The following LIPJ variants were observed in gnomAD, a reference collection of about 807,000 sequenced individuals.
LIPJ encodes the protein lipase family member J, also known as lipase member J.
LIPJ carries 33 observed loss-of-function variants against 39.8 expected under a neutral mutation model. That is an observed-to-expected ratio of 0.83 (90% CI 0.63 to 1.11). LIPJ has a LOEUF of 1.11. Ranked by LOEUF, LIPJ falls within the 50% of genes least tolerant of loss-of-function variation. The probability of loss-of-function intolerance (pLI) is 0.00; values close to 1 mark genes in which losing one functional copy is unlikely to be tolerated. For synonymous variants in LIPJ, 128 were observed against 139.2 expected (o/e 0.92, Z 0.57); for missense variants, 422 against 427.9 (o/e 0.99, Z 0.12).
At position 88,606,678 on chromosome 10, in the gene LIPJ, C is replaced by T. The variant is rs572429715; in HGVS notation, c.872C>T (p.Thr291Met). ...TTTTCACTCATTTATTTTCAGACAA[C>T]GTCTCCATTATACAACATGACAAAC... The change falls in exon 11 of 11, where the codon ACG becomes ATG. Residue 291 changes from threonine (T) to methionine (M), a missense_variant. Thr to Met is a moderately conservative substitution (Grantham distance 81). Transcript: ENST00000371939. 1.3e-5 allele frequency: 21 copies of T among 1,592,822 alleles called. No individual in the cohort carries two copies. Among genetic ancestry groups the T allele is most frequent in the South Asian group, 4.5e-5 (4 of 89,346 alleles).
chr10:88,591,466 C>A (rs267602611), exon 4 of LIPJ: 1 of 1,600,232 alleles, frequency 6.2e-7, no homozygotes, highest in African/African-American at 1.4e-5. Flanking sequence ...TATAGAATTC[C>A]TTATTGGAGG....
chr10:88,605,791 C>G (rs77367044), intron 10 of LIPJ, 87 bp downstream of exon 10: 12,711 of 800,264 alleles, frequency 0.016, 374 homozygotes, highest in South Asian at 0.079. Context: ...TAAATCCCCA[C>G]AGTACAATAA....
At chr10:88,589,805 T>C (rs561536965) in intron 2 of LIPJ, among the ~76,000 whole-genome samples, 1 of 151,856 alleles carries the variant, frequency 6.6e-6, no homozygotes, top group Non-Finnish European at 1.5e-5. Flanking sequence ...GATTTAAGTT[T>C]TATAACAATC....
At chr10:88,605,591 A>G (rs1232811191) in intron 9 of LIPJ, 42 bp from the exon 10 acceptor site, 3 of 1,376,828 alleles carry the variant, frequency 2.2e-6, no homozygotes, top group Non-Finnish European at 2.1e-6. Context: ...CTGCCACTGT[A>G]ATGAACAAAT....
At chr10:88,594,327 C>T (rs938134079) in intron 5 of LIPJ, 183 bp downstream of exon 5, 5 of 576,914 alleles carry the variant, frequency 8.7e-6, no homozygotes, top group African/African-American at 5.7e-5. Flanking sequence ...GAGTTTGATT[C>T]TTACGTTTCA....
At chr10:88,615,886 T>A in the LIPJ span, among the ~76,000 whole-genome samples, 1 of 151,972 alleles carries the variant, frequency 6.6e-6, no homozygotes, top group African/African-American at 2.4e-5. Context: ...ATTCACAATA[T>A]CCCAAAATGG....
At chr10:88,610,692 A>G (rs1851738058), downstream of LIPJ, among the ~76,000 whole-genome samples, 1 of 152,218 alleles carries the variant, frequency 6.6e-6, no homozygotes, top group South Asian at 2.1e-4. Flanking sequence ...AAAGATGTCT[A>G]CATCCATGGA....
chr10:88,613,126 G>T, the LIPJ span, among the ~76,000 whole-genome samples: 6 of 152,096 alleles, frequency 3.9e-5, no homozygotes, highest in Non-Finnish European at 5.9e-5. Context: ...GTGGTGGAGG[G>T]GCAGTGGGCA....
rs539547730 is a variant in LIPJ at position 88,596,880 on chromosome 10, A to G, written c.667A>G (p.Ile223Val). 5.0e-6 allele frequency: 8 copies of G among 1,593,576 alleles called. No homozygotes were observed. In the East Asian group the frequency reaches 1.8e-4, roughly 36 times the overall value. ...GTGTCCACTACAGATTTTTGATAAG[A>G]TTTGCCTCAATATCTTGTTTATGAT... Residue 223 changes from isoleucine (I) to valine (V), a missense_variant, in exon 8 of 11, where the codon ATT (isoleucine) becomes GTT (valine). Transcript: ENST00000371939.
chr10:88,618,763 T>C, the LIPJ span: 1 of 175,488 alleles, frequency 5.7e-6, no homozygotes, highest in Non-Finnish European at 1.3e-5. Context: ...CATCTGCCTA[T>C]AGTCCTTGTG....
intron 8 of LIPJ, among the ~76,000 whole-genome samples, chr10:88,601,084 G>A (rs1474036439): frequency 6.6e-6 from 1 of 151,998 alleles, no homozygotes; most frequent in Non-Finnish European, 1.5e-5. Flanking sequence ...AAGTAGCTCA[G>A]ACTACCGACA....
chr10:88,596,638 C>A lies in LIPJ; in HGVS notation c.577-152C>A, dbSNP rs183208015. ...AAGAAATTCAGTGGCCAAACCATCT[C>A]CACACCCTGCTTCCAAGTTTTTTCC... On this transcript the variant is annotated intron_variant, in intron 7 of 10. Transcript: ENST00000371939. The A allele has an allele frequency of 1.8e-4, 151 of 838,520 alleles. No individual in the cohort carries two copies. In the Middle Eastern group the frequency reaches 3.0e-3, roughly 17 times the overall value. 51.9% of individuals were successfully genotyped at this position (838,520 alleles called of 1,614,324 possible).
At chr10:88,590,267 A>G (rs919062944) in intron 2 of LIPJ, among the ~76,000 whole-genome samples, 2 of 151,808 alleles carry the variant, frequency 1.3e-5, no homozygotes, top group Non-Finnish European at 3.0e-5. Flanking sequence ...TCACACATCA[A>G]TTAATTTGTA....
downstream of LIPJ, among the ~76,000 whole-genome samples, chr10:88,610,185 T>G (rs545153540): frequency 6.6e-6 from 1 of 152,180 alleles, no homozygotes; most frequent in Non-Finnish European, 1.5e-5. Context: ...TGATTACTAA[T>G]GTACTAAAGT....
chr10:88,583,003 A>C (rs937949399), upstream of LIPJ: 38 of 1,533,090 alleles, frequency 2.5e-5, no homozygotes, highest in Non-Finnish European at 3.3e-5. Flanking sequence ...TCTTGGGTGC[A>C]GGCCCACACC....
chr10:88,596,421 G>A lies in LIPJ; in HGVS notation c.576+5G>A, dbSNP rs1176547154. On this transcript the variant is annotated splice_donor_5th_base_variant and intron_variant, in intron 7 of 10. Coordinates refer to ENST00000371939, the Ensembl canonical transcript of LIPJ. ...AAATGGAAGTCAATAGTCATGGTAT[G>A]TTCTACCTTTATTTTATGTCATTGA... The A allele has an allele frequency of 4.7e-6, 7 of 1,499,584 alleles. No homozygotes were observed. Among genetic ancestry groups the A allele is most frequent in the Non-Finnish European group, 5.3e-6 (6 of 1,125,714 alleles). The allele number at this position is 1,499,584 out of a possible 1,614,324, so 92.9% of individuals were successfully genotyped here.
At chr10:88,605,796 C>A in intron 10 of LIPJ, 92 bp downstream of exon 10, 1 of 743,450 alleles carries the variant, frequency 1.3e-6, no homozygotes, top group Non-Finnish European at 2.4e-6. Flanking sequence ...CCCCACAGTA[C>A]AATAACACAC....
Position 88,602,558 on chromosome 10 carries a change from T to C in LIPJ, c.724-18T>C. ...CAACTTATATAAAAATGCTTTTTTTTTTTTTTTTACCCCTCAGAGTCGTTT... is the reference window on the plus strand; with the variant it reads ...CAACTTATATAAAAATGCTTTTTTTCTTTTTTTTACCCCTCAGAGTCGTTT... On this transcript the variant is annotated intron_variant, in intron 8 of 10. Coordinates refer to ENST00000371939, the Ensembl canonical transcript of LIPJ. 6.8e-7 allele frequency: 1 copy of C among 1,472,042 alleles called. No individual in the cohort carries two copies. The highest frequency in any genetic ancestry group is 9.2e-7 in the Non-Finnish European group (1 of 1,088,092). The allele number at this position is 1,472,042 out of a possible 1,614,324, so 91.2% of individuals were successfully genotyped here.
intron 9 of LIPJ, 66 bp downstream of exon 9, chr10:88,602,713 C>A: frequency 1.1e-6 from 1 of 942,394 alleles, no homozygotes; most frequent in Non-Finnish European, 1.6e-6. Context: ...CCTCATTATT[C>A]TAGGGATCAT....
Sources: allele counts gnomAD v4.1 joint callset (sites outside exome capture counted in the v4.1 genomes callset), GRCh38; gene constraint gnomAD v4.1.1; transcripts MANE v1.5; gene names NCBI Gene and HGNC (gene_info 2026-07-23, HGNC 2026-07-21).